Variants in ZNF804B observed in about 807,000 individuals in gnomAD.
ZNF804B encodes zinc finger protein 804B, also known as zinc finger 804B.
ZNF804B carries 80 observed loss-of-function variants against 101.4 expected under a neutral mutation model. The observed-to-expected ratio is 0.79, with a 90% CI of 0.66 to 0.95. ZNF804B has a LOEUF of 0.95. Ranked by LOEUF, ZNF804B falls within the 40% of genes least tolerant of loss-of-function variation. The pLI, the probability that ZNF804B is intolerant of heterozygous loss-of-function variation, is 0.00. For missense variants in ZNF804B, 1,673 were observed against 1,561.9 expected (o/e 1.07, Z -1.20); for synonymous variants, 622 against 558.8 (o/e 1.11, Z -1.59).
Position 89,047,803 on chromosome 7 carries a change from G to T in ZNF804B, c.109-170352G>T, listed in dbSNP as rs578070413. Reference sequence around the variant, plus strand: ...CTCACTGCACTGTGCATTCTCTCTAGACTGTCTAGAACCACTCCGTGATCA... The same window carrying T: ...CTCACTGCACTGTGCATTCTCTCTATACTGTCTAGAACCACTCCGTGATCA... On this transcript the variant is annotated intron_variant, in intron 1 of 3. Transcript: ENST00000333190. Among the ~76,000 whole-genome samples the T allele has an allele frequency of 1.2e-4, 19 of 152,072 alleles. No individual in the cohort carries two copies. In the South Asian group the frequency reaches 3.9e-3, roughly 32 times the overall value.
At chr7:89,129,717 A>G (rs1397040502) in intron 1 of ZNF804B, among the ~76,000 whole-genome samples, 1 of 152,002 alleles carries the variant, frequency 6.6e-6, no homozygotes, top group East Asian at 1.9e-4. Flanking sequence ...TTAGGCATAG[A>G]GAGTTTCAGT....
At chr7:89,007,446 TTATATATATATATATATATATATA>T (rs61374091) in intron 1 of ZNF804B, among the ~76,000 whole-genome samples, 3 of 57,202 alleles carry the variant, frequency 5.2e-5, no homozygotes, top group East Asian at 8.0e-4. Context: ...ATCCATGATT[TTATATATATATATATATATATATA>T]TATATATATA....
intron 1 of ZNF804B, among the ~76,000 whole-genome samples, chr7:88,789,174 T>C (rs1586902838): frequency 6.6e-6 from 1 of 152,178 alleles, no homozygotes; most frequent in East Asian, 1.9e-4. Flanking sequence ...ACAGAAATGG[T>C]AATAAGAACT....
chr7:89,098,960 A>T (rs1472907311), intron 1 of ZNF804B, among the ~76,000 whole-genome samples: 1 of 151,082 alleles, frequency 6.6e-6, no homozygotes, highest in African/African-American at 2.4e-5. Flanking sequence ...AAGCAAACTG[A>T]AATGAAATCT....
chr7:89,312,394 C>T (rs1790660217), intron 2 of ZNF804B, among the ~76,000 whole-genome samples: 1 of 152,174 alleles, frequency 6.6e-6, no homozygotes, highest in South Asian at 2.1e-4. Flanking sequence ...CATTCTAGCA[C>T]ATGTCGAACG....
chr7:88,949,474 A>C (rs1444685321), intron 1 of ZNF804B, among the ~76,000 whole-genome samples: 2 of 151,916 alleles, frequency 1.3e-5, no homozygotes, highest in African/African-American at 2.4e-5. Context: ...ATTGGCTTGA[A>C]AATGTGGCAA....
chr7:88,923,615 T>A (rs1792754602), intron 1 of ZNF804B, among the ~76,000 whole-genome samples: 7 of 152,232 alleles, frequency 4.6e-5, no homozygotes. Flanking sequence ...TGAAATGATA[T>A]GATTTAGTGC....
At chr7:88,857,629 C>T (rs1791584698) in intron 1 of ZNF804B, among the ~76,000 whole-genome samples, 1 of 151,880 alleles carries the variant, frequency 6.6e-6, no homozygotes, top group South Asian at 2.1e-4. Flanking sequence ...TAATAGCTTA[C>T]CAACCAAAAA....
At chr7:88,948,807 A>G (rs1249283489) in intron 1 of ZNF804B, among the ~76,000 whole-genome samples, 1 of 151,854 alleles carries the variant, frequency 6.6e-6, no homozygotes, top group African/African-American at 2.4e-5. Context: ...TGCTATTTCT[A>G]ATGTTGATGG....
At chr7:89,158,054 G>T (rs1006330595) in intron 1 of ZNF804B, among the ~76,000 whole-genome samples, 15 of 151,694 alleles carry the variant, frequency 9.9e-5, no homozygotes, top group African/African-American at 3.6e-4. Flanking sequence ...CATAAGCGCT[G>T]TTTTTTTTCA....
chr7:88,892,629 T>A (rs1392453687), intron 1 of ZNF804B, among the ~76,000 whole-genome samples: 2 of 152,148 alleles, frequency 1.3e-5, no homozygotes, highest in African/African-American at 4.8e-5. Flanking sequence ...AAAAGGCAAA[T>A]TCACATCATT....
At chr7:88,833,423 C>T (rs540056676) in intron 1 of ZNF804B, among the ~76,000 whole-genome samples, 20 of 151,918 alleles carry the variant, frequency 1.3e-4, no homozygotes, top group African/African-American at 4.8e-4. Context: ...GGTTCTTTAG[C>T]TCTTACAAAA....
At chr7:88,778,413 G>A (rs1790178289) in intron 1 of ZNF804B, among the ~76,000 whole-genome samples, 1 of 152,162 alleles carries the variant, frequency 6.6e-6, no homozygotes, top group Non-Finnish European at 1.5e-5. Flanking sequence ...ATGCAAGACA[G>A]CACTCACAGG....
intron 1 of ZNF804B, among the ~76,000 whole-genome samples, chr7:88,992,685 C>G (rs776741033): frequency 7.9e-5 from 12 of 152,060 alleles, no homozygotes; most frequent in Non-Finnish European, 1.3e-4. Flanking sequence ...TTAAGTACAT[C>G]TACAAAATCT....
intron 1 of ZNF804B, among the ~76,000 whole-genome samples, chr7:89,005,540 T>C (rs1465822616): frequency 6.6e-6 from 1 of 152,128 alleles, no homozygotes; most frequent in African/African-American, 2.4e-5. Context: ...AATAAAATTA[T>C]TCATTATTGA....
intron 1 of ZNF804B, among the ~76,000 whole-genome samples, chr7:89,084,083 A>G (rs1789737973): frequency 6.6e-6 from 1 of 151,976 alleles, no homozygotes; most frequent in Non-Finnish European, 1.5e-5. Flanking sequence ...AGCTATCTAA[A>G]TCACTCTGAT....
At chr7:89,328,040 G>A (rs1443855390) in intron 3 of ZNF804B, among the ~76,000 whole-genome samples, 1 of 151,954 alleles carries the variant, frequency 6.6e-6, no homozygotes, top group African/African-American at 2.4e-5. Context: ...ACCACTGGAT[G>A]TTTCAAAGTT....
At chr7:89,141,929 A>T (rs186821685) in intron 1 of ZNF804B, among the ~76,000 whole-genome samples, 1 of 151,556 alleles carries the variant, frequency 6.6e-6, no homozygotes, top group Non-Finnish European at 1.5e-5. Flanking sequence ...ATTTCTCAAC[A>T]TAAACTTCAT....
At chr7:89,011,123 AG>A (rs1788454567) in intron 1 of ZNF804B, among the ~76,000 whole-genome samples, 1 of 73,390 alleles carries the variant, frequency 1.4e-5, no homozygotes, top group African/African-American at 8.1e-5. Flanking sequence ...TGGTGGCAGG[AG>A]GGAGAATGAG....
Sources: allele counts gnomAD v4.1 joint callset (sites outside exome capture counted in the v4.1 genomes callset), GRCh38; gene constraint gnomAD v4.1.1; transcripts MANE v1.5; gene names NCBI Gene and HGNC (gene_info 2026-07-23, HGNC 2026-07-21).